ALPK2: variants seen among roughly 807,000 people sequenced by gnomAD.
ALPK2 encodes alpha kinase 2, also known as alpha-protein kinase 2.
A neutral mutation model predicts 163.1 loss-of-function variants in ALPK2; 127 were observed. That is an observed-to-expected ratio of 0.78 (90% CI 0.67 to 0.90). The LOEUF (loss-of-function observed/expected upper bound fraction) is 0.90, where lower values mean the gene tolerates loss of function less well. Ranked by LOEUF, ALPK2 falls within the 40% of genes least tolerant of loss-of-function variation. The pLI is 0.00. For synonymous variants in ALPK2, 953 were observed against 959.1 expected (o/e 0.99, Z 0.12); for missense variants, 2,360 against 2,589.6 (o/e 0.91, Z 1.92).
chr18:58,505,240 T>G (rs1602190301), intron 10 of ALPK2, among the ~76,000 whole-genome samples: 2 of 152,138 alleles, frequency 1.3e-5, no homozygotes, highest in African/African-American at 4.8e-5. Context: ...GGATGGAGTT[T>G]CCAGCATTAT....
At chr18:58,574,210 G>T (rs1417089326) in intron 4 of ALPK2, among the ~76,000 whole-genome samples, 1 of 151,894 alleles carries the variant, frequency 6.6e-6, no homozygotes, top group Non-Finnish European at 1.5e-5. Flanking sequence ...TTGGGAGGCT[G>T]AGGCGGGGCG....
intron 3 of ALPK2, among the ~76,000 whole-genome samples, chr18:58,598,398 C>T (rs1294800013): frequency 2.6e-5 from 4 of 152,236 alleles, no homozygotes; most frequent in South Asian, 2.1e-4. Flanking sequence ...TGGAGGCAGA[C>T]GGGGAGGGGC....
At chr18:58,622,022 T>TAAAA (rs760708751) in intron 1 of ALPK2, among the ~76,000 whole-genome samples, 5 of 134,094 alleles carry the variant, frequency 3.7e-5, no homozygotes, top group East Asian at 2.1e-4. Context: ...TGAGAGGGCT[T>TAAAA]AAAAAAAAAA....
chr18:58,578,734 A>ACACACACACGCGCGCACGCGCGCGCGCG lies in ALPK2; in HGVS notation c.1962+79_1962+80insCGCGCGCGCGCGTGCGCGCGTGTGTGTG, dbSNP rs745812070. The ACACACACACGCGCGCACGCGCGCGCGCG allele has an allele frequency of 8.8e-5, 35 of 396,676 alleles. 1 individual carries two copies. In the African/African-American group the frequency reaches 1.6e-3, roughly 18 times the overall value. The allele number at this position is 396,676 out of a possible 1,614,324, so 24.6% of individuals were successfully genotyped here. A position where few individuals can be genotyped will look rare whatever the true frequency, so the allele number is the denominator to read the frequency against. On this transcript the variant is annotated intron_variant, in intron 4 of 12. Transcript: ENST00000361673. Reference sequence around the variant, plus strand: ...TTGTGAATGTGAAGTAAAGGAAGAGACACACACACACACACACACACACAC... The same window carrying ACACACACACGCGCGCACGCGCGCGCGCG: ...TTGTGAATGTGAAGTAAAGGAAGAGACACACACACGCGCGCACGCGCGCGCGCGCACACACACACACACACACACACAC...
rs531501598 is a variant in ALPK2, at chr18:58,611,092, CA to C, written c.109+596del. 8.5e-3 allele frequency among the ~76,000 whole-genome samples: 1,036 copies of C among 121,438 alleles called. 11 individuals carry two copies. Among genetic ancestry groups the C allele is most frequent in the African/African-American group, 0.027 (887 of 33,002 alleles). 79.7% of individuals were successfully genotyped at this position (121,438 alleles called of 152,430 possible). ...CTGGCAACAGAGCAAGACTCTGTCT[CA>C]AAAAAAAAAAAACAATAAAAATAAA... On this transcript the variant is annotated intron_variant, in intron 2 of 12. Transcript: ENST00000361673.
intron 1 of ALPK2, among the ~76,000 whole-genome samples, chr18:58,624,008 C>T (rs2052215827): frequency 6.6e-6 from 1 of 152,202 alleles, no homozygotes; most frequent in African/African-American, 2.4e-5. Context: ...CTAAAGTGGC[C>T]ATTCGCTTGT....
intron 1 of ALPK2, among the ~76,000 whole-genome samples, chr18:58,620,819 G>A (rs900785418): frequency 2.6e-5 from 4 of 152,172 alleles, no homozygotes; most frequent in Non-Finnish European, 4.4e-5. Flanking sequence ...TATATCTAAA[G>A]AATGGAATCT....
intron 4 of ALPK2, among the ~76,000 whole-genome samples, chr18:58,551,948 C>T (rs2051762292): frequency 6.6e-6 from 1 of 152,062 alleles, no homozygotes; most frequent in Admixed American, 6.6e-5. Context: ...CTGAAGAGTT[C>T]CTTAAGTTTA....
At chr18:58,558,737 A>G (rs899667024) in intron 4 of ALPK2, among the ~76,000 whole-genome samples, 1 of 152,282 alleles carries the variant, frequency 6.6e-6, no homozygotes, top group African/African-American at 2.4e-5. Flanking sequence ...ATGGAATATT[A>G]TCTGGCCATA....
intron 4 of ALPK2, among the ~76,000 whole-genome samples, chr18:58,574,255 C>T (rs959409242): frequency 1.3e-5 from 2 of 149,814 alleles, no homozygotes; most frequent in African/African-American, 4.9e-5. Flanking sequence ...CCAGCCTGAC[C>T]AACATGGTGA....
chr18:58,521,625 C>CTT (rs1375364902), intron 8 of ALPK2, among the ~76,000 whole-genome samples: 4 of 50,586 alleles, frequency 7.9e-5, no homozygotes, highest in East Asian at 3.9e-4. Flanking sequence ...CTTTCTCTCT[C>CTT]TCTTTTTTTT....
At chr18:58,617,849 C>T (rs541343240) in intron 1 of ALPK2, among the ~76,000 whole-genome samples, 2 of 152,286 alleles carry the variant, frequency 1.3e-5, no homozygotes, top group East Asian at 1.9e-4. Context: ...TTGAAAGCTG[C>T]TAAATATTGG....
At chr18:58,488,029 A>G (rs1680020136) in intron 12 of ALPK2, among the ~76,000 whole-genome samples, 1 of 152,072 alleles carries the variant, frequency 6.6e-6, no homozygotes, top group African/African-American at 2.4e-5. Flanking sequence ...CATTTCTACC[A>G]GGCTCTGGGG....
In ALPK2 at chr18:58,608,982, A is replaced by G. The variant is rs557774523; in HGVS notation, c.110-1543T>C. Among the ~76,000 whole-genome samples, 38 of 151,376 alleles carry G rather than the reference A, an allele frequency of 2.5e-4. 1 individual carries two copies. The South Asian group carries it at 3.7e-3, about 15-fold the overall frequency. ...CAAAAAAAAAAAAAGAAAAGAAAAG[A>G]AAAGAAAAAACGGAACTCCATAGAA... On this transcript the variant is annotated intron_variant, in intron 2 of 12. Transcript: ENST00000361673.
At chr18:58,621,278 CT>C (rs142114746) in intron 1 of ALPK2, among the ~76,000 whole-genome samples, 14,616 of 143,652 alleles carry the variant, frequency 0.1, 757 homozygotes, top group African/African-American at 0.14. Context: ...TGATCACTTT[CT>C]TTTTTTTTTT....
At chr18:58,561,108 A>C (rs972753426) in intron 4 of ALPK2, among the ~76,000 whole-genome samples, 1 of 152,206 alleles carries the variant, frequency 6.6e-6, no homozygotes, top group Non-Finnish European at 1.5e-5. Context: ...ATTTATTGAG[A>C]TCTGTCAGAT....
chr18:58,598,958 C>T (rs976300430), intron 3 of ALPK2, among the ~76,000 whole-genome samples: 1 of 152,182 alleles, frequency 6.6e-6, no homozygotes, highest in African/African-American at 2.4e-5. Flanking sequence ...AGTGACAGTA[C>T]TTTCAGAACG....
intron 3 of ALPK2, among the ~76,000 whole-genome samples, chr18:58,583,897 G>T (rs1602229225): frequency 6.6e-6 from 1 of 152,212 alleles, no homozygotes. Flanking sequence ...ACCATGACTT[G>T]TGTAGAAGAG....
rs779174724 is a variant in ALPK2 at position 58,504,159 on chromosome 18, A to C, written c.6030-11T>G. 1 of 1,609,794 alleles carries C rather than the reference A, an allele frequency of 6.2e-7. No homozygotes were observed. Among genetic ancestry groups the C allele is most frequent in the South Asian group, 1.1e-5 (1 of 90,958 alleles). On this transcript the variant is annotated splice_polypyrimidine_tract_variant and intron_variant, in intron 10 of 12. Coordinates refer to ENST00000361673, the MANE Select transcript of ALPK2 (RefSeq NM_052947.4). Reference sequence around the variant, plus strand: ...AAAATAGGAATGATCCTGGCAGGGAAGAGAACACAGGCGCACATCAAGGTC... The same window carrying C: ...AAAATAGGAATGATCCTGGCAGGGACGAGAACACAGGCGCACATCAAGGTC...
Sources: allele counts gnomAD v4.1 joint callset (sites outside exome capture counted in the v4.1 genomes callset), GRCh38; gene constraint gnomAD v4.1.1; transcripts MANE v1.5; gene names NCBI Gene and HGNC (gene_info 2026-07-23, HGNC 2026-07-21).